Variants in THSD7B observed in about 807,000 individuals in gnomAD.
THSD7B encodes the protein thrombospondin type-1 domain-containing protein 7B.
In THSD7B, 138 loss-of-function variants were observed where a neutral mutation model predicts 213.6. The observed-to-expected ratio is 0.65, with a 90% confidence interval of 0.56 to 0.74. The LOEUF (loss-of-function observed/expected upper bound fraction) is 0.74. Ranked by LOEUF, THSD7B falls within the 30% of genes least tolerant of loss-of-function variation. The pLI, the probability that THSD7B is intolerant of heterozygous loss-of-function variation, is 0.00. For missense variants in THSD7B, 1,931 were observed against 1,991.5 expected, an observed-to-expected ratio of 0.97 and a Z score of 0.58; for synonymous variants, 742 against 687.0, an observed-to-expected ratio of 1.08 and a Z score of -1.25.
chr2:137,572,651 T>G, intron 17 of THSD7B, 95 bp downstream of exon 17: 1 of 1,310,608 alleles, frequency 7.6e-7, no homozygotes. Flanking sequence ...AAAGCATTCT[T>G]CTAGTAACAT....
At chr2:137,318,922 G>T (rs1684194067) in intron 12 of THSD7B, among the ~76,000 whole-genome samples, 2 of 145,562 alleles carry the variant, frequency 1.4e-5, no homozygotes, top group South Asian at 4.5e-4. Context: ...AGCCTCCCAA[G>T]TAGCCACAGG....
intron 12 of THSD7B, among the ~76,000 whole-genome samples, chr2:137,376,752 A>T (rs567843821): frequency 6.6e-6 from 1 of 152,230 alleles, no homozygotes; most frequent in Non-Finnish European, 1.5e-5. Context: ...TCCCAAATAC[A>T]TAAAATAAAT....
chr2:137,276,013 G>T lies in THSD7B; in HGVS notation c.2487G>T (p.Gly829=), dbSNP rs374521746. ...ITGSSEACGK[G]LQTRAVSCIS... is the part of the protein sequence containing the mutation. ...GCAGCAGTGAAGCCTGTGGAAAGGG[G>T]TTACAAACAAGAGGTATGATGATTT... The change falls in exon 12 of 28, where the codon GGG becomes GGT. Residue 829 remains glycine (G), a synonymous_variant. Transcript: ENST00000409968. 142 of 1,610,546 alleles carry T rather than the reference G, an allele frequency of 8.8e-5. No individual in the cohort carries two copies. Among genetic ancestry groups the T allele is most frequent in the Non-Finnish European group, 1.2e-4 (142 of 1,178,210 alleles).
chr2:136,985,731 C>A (rs924107177), intron 2 of THSD7B, among the ~76,000 whole-genome samples: 1 of 152,200 alleles, frequency 6.6e-6, no homozygotes, highest in Non-Finnish European at 1.5e-5. Context: ...AAAAGGCCAT[C>A]GCTCTCCAGA....
chr2:137,652,521 A>G (rs1683160482), intron 21 of THSD7B, among the ~76,000 whole-genome samples: 1 of 152,028 alleles, frequency 6.6e-6, no homozygotes, highest in Admixed American at 6.6e-5. Flanking sequence ...CAGACACTCT[A>G]TGTCTTTTAA....
chr2:137,171,000 C>G (rs535787096), intron 7 of THSD7B, 62 bp downstream of exon 7: 187 of 1,516,692 alleles, frequency 1.2e-4, no homozygotes, highest in Admixed American at 6.4e-4. Flanking sequence ...TAACACATGA[C>G]CACCCTTCAA....
At chr2:137,262,475 CCT>C (rs1405490505) in intron 10 of THSD7B, among the ~76,000 whole-genome samples, 1 of 152,006 alleles carries the variant, frequency 6.6e-6, no homozygotes, top group Non-Finnish European at 1.5e-5. Context: ...AAAATAAATC[CCT>C]GTCATTTCAT....
At chr2:137,607,339 T>TAC (rs1402545867) in intron 17 of THSD7B, among the ~76,000 whole-genome samples, 7 of 152,126 alleles carry the variant, frequency 4.6e-5, no homozygotes, top group Admixed American at 6.5e-5. Context: ...AACACAAACA[T>TAC]ACACACACAA....
intron 12 of THSD7B, among the ~76,000 whole-genome samples, chr2:137,398,827 G>T (rs186369624): frequency 6.6e-6 from 1 of 152,328 alleles, no homozygotes; most frequent in South Asian, 2.1e-4. Context: ...TTCCGTGGGC[G>T]TAGGACCCTC....
intron 15 of THSD7B, among the ~76,000 whole-genome samples, chr2:137,526,568 C>T (rs547317384): frequency 6.6e-6 from 1 of 151,942 alleles, no homozygotes; most frequent in African/African-American, 2.4e-5. Flanking sequence ...GCCACAGGTG[C>T]GTACCACCAC....
chr2:137,339,718 A>AG (rs1684717037), intron 12 of THSD7B, among the ~76,000 whole-genome samples: 1 of 151,836 alleles, frequency 6.6e-6, no homozygotes, highest in African/African-American at 2.4e-5. Flanking sequence ...TTGGTGAGGA[A>AG]GGGGACAGAC....
Position 137,534,018 on chromosome 2 carries a change from G to GCGCA in THSD7B, c.3139-29202_3139-29201insGCAC, listed in dbSNP as rs1222818725. On this transcript the variant is annotated intron_variant, in intron 15 of 27. Transcript: ENST00000409968. Reference sequence around the variant, plus strand: ...CACATGTATGTGTGTGTGTGTGCGCGCACACACACACACACACACACACAC... The same window carrying GCGCA: ...CACATGTATGTGTGTGTGTGTGCGCGCGCACACACACACACACACACACACACAC... 2.5e-3 allele frequency among the ~76,000 whole-genome samples: 288 copies of GCGCA among 113,552 alleles called. 1 individual carries two copies. The highest frequency in any genetic ancestry group is 8.1e-3 in the African/African-American group (261 of 32,236). The allele number at this position is 113,552 out of a possible 152,430, so 74.5% of individuals were successfully genotyped here. A position where few individuals can be genotyped will look rare whatever the true frequency, so the allele number is the denominator to read the frequency against.
At chr2:137,048,762 CT>C (rs1262786045) in intron 2 of THSD7B, among the ~76,000 whole-genome samples, 1 of 152,130 alleles carries the variant, frequency 6.6e-6, no homozygotes, top group Non-Finnish European at 1.5e-5. Flanking sequence ...GTAAACAGAA[CT>C]TTATTCTCAT....
At chr2:137,102,269 C>G (rs1212197114) in intron 4 of THSD7B, among the ~76,000 whole-genome samples, 2 of 151,658 alleles carry the variant, frequency 1.3e-5, no homozygotes, top group African/African-American at 4.9e-5. Flanking sequence ...GGACCTCCAG[C>G]AGACTCCAGC....
At chr2:137,180,927 CATGAAACCT>C (rs1680441292) in intron 7 of THSD7B, among the ~76,000 whole-genome samples, 1 of 152,164 alleles carries the variant, frequency 6.6e-6, no homozygotes, top group Non-Finnish European at 1.5e-5. Context: ...GGGCTAGACT[CATGAAACCT>C]ATTCCTAACC....
intron 3 of THSD7B, among the ~76,000 whole-genome samples, chr2:137,080,137 T>G (rs1289320314): frequency 6.6e-6 from 1 of 151,824 alleles, no homozygotes; most frequent in Non-Finnish European, 1.5e-5. Context: ...CCACTGTGCC[T>G]AGTCTTGGCT....
At chr2:137,674,664 G>A (rs1683655281) in intron 27 of THSD7B, among the ~76,000 whole-genome samples, 1 of 152,160 alleles carries the variant, frequency 6.6e-6, no homozygotes, top group Non-Finnish European at 1.5e-5. Context: ...GAGAGGACCT[G>A]GAAAGCAGGA....
At chr2:137,025,896 G>T (rs1421992820) in intron 2 of THSD7B, among the ~76,000 whole-genome samples, 2 of 152,038 alleles carry the variant, frequency 1.3e-5, no homozygotes, top group African/African-American at 4.8e-5. Context: ...AGCCATCTCT[G>T]CCACATCTAC....
At chr2:137,396,079 G>A (rs75498317) in intron 12 of THSD7B, among the ~76,000 whole-genome samples, 38 of 150,244 alleles carry the variant, frequency 2.5e-4, no homozygotes, top group East Asian at 7.8e-4. Flanking sequence ...TCTTGCTAGC[G>A]GTCTATCAAT....
Sources: gnomAD v4.1 joint callset for allele counts (sites outside exome capture counted in the v4.1 genomes callset) on GRCh38, gnomAD v4.1.1 for gene constraint, MANE v1.5 for transcripts, NCBI Gene and HGNC (gene_info 2026-07-23, HGNC 2026-07-21) for gene names.